GPT2: variants seen among roughly 807,000 people sequenced by gnomAD.
The protein encoded by GPT2 is glutamic--pyruvic transaminase 2.
A neutral mutation model predicts 56.9 loss-of-function variants in GPT2; 30 were observed. That is an observed-to-expected ratio of 0.53 (90% CI 0.39 to 0.72). The LOEUF is 0.72. GPT2 is among the 30% of genes least tolerant of loss of function. The pLI is 0.00. For missense variants in GPT2, 542 were observed against 703.4 expected (o/e 0.77, Z 2.60); for synonymous variants, 271 against 283.1 (o/e 0.96, Z 0.43).
chr16:46,904,948 G>A (rs910830591), intron 4 of GPT2, among the ~76,000 whole-genome samples: 5 of 152,026 alleles, frequency 3.3e-5, no homozygotes, highest in Admixed American at 2.0e-4. Context: ...ACAAGTTAAC[G>A]TTTGCCAGTT....
intron 9 of GPT2, among the ~76,000 whole-genome samples, chr16:46,922,629 G>A (rs1307751871): frequency 6.6e-6 from 1 of 152,214 alleles, no homozygotes; most frequent in African/African-American, 2.4e-5. Flanking sequence ...AGGACTGTGA[G>A]TGTGTGTGGG....
rs751302361 is a variant in GPT2 at position 46,924,207 on chromosome 16, A to C, written c.1213-182A>C. ...CACCCACTCCGTCTGTGTGGTGTGCATGGGGCATGTGACCCAGGCAGAGCA... is the reference window on the plus strand; with the variant it reads ...CACCCACTCCGTCTGTGTGGTGTGCCTGGGGCATGTGACCCAGGCAGAGCA... On this transcript the variant is annotated intron_variant, in intron 9 of 11. Coordinates refer to ENST00000340124, the MANE Select transcript of GPT2 (RefSeq NM_133443.4). The C allele has an allele frequency of 5.7e-6, 4 of 697,320 alleles. No individual in the cohort carries two copies. The Admixed American group carries it at 6.1e-5, about 11-fold the overall frequency. 43.2% of individuals were successfully genotyped at this position (697,320 alleles called of 1,614,324 possible).
intron 9 of GPT2, chr16:46,923,983 C>G: frequency 2.9e-6 from 1 of 343,760 alleles, no homozygotes; most frequent in Admixed American, 3.9e-5. Flanking sequence ...CTGGGCTCTA[C>G]CCTTTGGCCT....
rs1289952834 is a variant in GPT2 at position 46,910,071 on chromosome 16, TGCCACAG to T, written c.820+150_820+156del. ...TTTGCTAACCTAAAGCCATGAAATT[TGCCACAG>T]GCCACCTCAAGAGGTGAGTAGGCCA... is the stretch of plus-strand genomic sequence containing the variant. On this transcript the variant is annotated intron_variant, in intron 6 of 11. Coordinates refer to ENST00000340124, the MANE Select transcript of GPT2 (RefSeq NM_133443.4). 3.5e-6 allele frequency: 4 copies of T among 1,138,252 alleles called. No individual in the cohort carries two copies. In the East Asian group the frequency reaches 7.7e-5, roughly 22 times the overall value. 70.5% of individuals were successfully genotyped at this position (1,138,252 alleles called of 1,614,324 possible).
rs369827262 is a variant in GPT2, at chr16:46,917,790, A to G, written c.901-831A>G. On this transcript the variant is annotated intron_variant, in intron 7 of 11. Transcript: ENST00000340124. ...GACACACACACATACATACACACAC[A>G]GCTTACCCATCAAATTGTTGCCTTA... Among the ~76,000 whole-genome samples the G allele has an allele frequency of 4.9e-4, 74 of 152,216 alleles. 2 individuals carry two copies. The highest frequency in any genetic ancestry group is 1.8e-3 in the African/African-American group (74 of 41,532).
At chr16:46,913,408 G>C (rs1265025240) in intron 6 of GPT2, among the ~76,000 whole-genome samples, 23 of 152,212 alleles carry the variant, frequency 1.5e-4, no homozygotes, top group Admixed American at 1.5e-3. Flanking sequence ...GGCAGGTTCT[G>C]CTGTCCTCAG....
intron 8 of GPT2, among the ~76,000 whole-genome samples, chr16:46,919,618 G>A (rs1300141682): frequency 6.6e-6 from 1 of 152,226 alleles, no homozygotes; most frequent in Non-Finnish European, 1.5e-5. Context: ...CAGGAGTGGA[G>A]ACCTGAGAAT....
intron 1 of GPT2, 81 bp downstream of exon 1, chr16:46,884,548 G>C: frequency 1.2e-6 from 1 of 805,288 alleles, no homozygotes; most frequent in Non-Finnish European, 1.7e-6. Flanking sequence ...CGCCGTGGAG[G>C]GTCCGGGTCG....
At chr16:46,894,669 C>CTT (rs1252429847) in intron 2 of GPT2, among the ~76,000 whole-genome samples, 4 of 145,090 alleles carry the variant, frequency 2.8e-5, no homozygotes, top group Non-Finnish European at 6.1e-5. Context: ...CACTGGGAAT[C>CTT]TTTTTTTTTT....
chr16:46,922,903 C>G (rs1443618584), intron 9 of GPT2, among the ~76,000 whole-genome samples: 1 of 152,162 alleles, frequency 6.6e-6, no homozygotes, highest in East Asian at 1.9e-4. Flanking sequence ...CTGGTCCAGG[C>G]TCACTTCTTT....
At chr16:46,899,378 G>T (rs1431446884) in intron 3 of GPT2, among the ~76,000 whole-genome samples, 1 of 152,184 alleles carries the variant, frequency 6.6e-6, no homozygotes, top group Non-Finnish European at 1.5e-5. Flanking sequence ...GGCCATCAGG[G>T]AGGTTGAGCC....
Position 46,909,635 on chromosome 16 carries a change from A to T in GPT2, c.577-49A>T, listed in dbSNP as rs761425834. On this transcript the variant is annotated intron_variant, in intron 5 of 11. Transcript: ENST00000340124. The stretch of plus-strand genomic sequence containing the variant: ...GGGGCCACGGGTGAAAGGCTAGGTC[A>T]GGGATGGGAAGTAGTGCTGGCTTTC... 5 of 1,590,756 alleles carry T rather than the reference A, an allele frequency of 3.1e-6. No homozygotes were observed. The South Asian group carries it at 5.7e-5, about 18-fold the overall frequency.
At chr16:46,897,329 C>T (rs1212514770) in intron 2 of GPT2, among the ~76,000 whole-genome samples, 4 of 152,082 alleles carry the variant, frequency 2.6e-5, no homozygotes, top group Non-Finnish European at 5.9e-5. Flanking sequence ...GCTGAGATGG[C>T]ACTACTGTAC....
chr16:46,892,332 A>G (rs1365906205), intron 2 of GPT2, among the ~76,000 whole-genome samples: 1 of 152,154 alleles, frequency 6.6e-6, no homozygotes, highest in Non-Finnish European at 1.5e-5. Context: ...CCATTCATCT[A>G]CTGATGGACA....
At chr16:46,923,521 T>C (rs557508568) in intron 9 of GPT2, among the ~76,000 whole-genome samples, 7 of 152,362 alleles carry the variant, frequency 4.6e-5, no homozygotes, top group African/African-American at 1.2e-4. Context: ...TTCCTTATCA[T>C]GATGTCCTCC....
In GPT2 at chr16:46,884,708, A is replaced by G; in HGVS notation, c.-8A>G. 7.3e-7 allele frequency: 1 copy of G among 1,375,500 alleles called. No individual in the cohort carries two copies. The highest frequency in any genetic ancestry group is 1.5e-5 in the African/African-American group (1 of 66,512). 85.2% of individuals were successfully genotyped at this position (1,375,500 alleles called of 1,614,324 possible). A position where few individuals can be genotyped will look rare whatever the true frequency, so the allele number is the denominator to read the frequency against. ...TTTTGTGCCAGGGTTTCTCTCCGCAAGCGCGCGATGCAGCGGGCGGCGGCG... is the reference window on the plus strand; with the variant it reads ...TTTTGTGCCAGGGTTTCTCTCCGCAGGCGCGCGATGCAGCGGGCGGCGGCG... On this transcript the variant is annotated 5_prime_UTR_variant, in exon 2 of 12. Transcript: ENST00000340124.
intron 2 of GPT2, among the ~76,000 whole-genome samples, chr16:46,892,707 TTG>T (rs1238152209): frequency 6.6e-6 from 1 of 152,230 alleles, no homozygotes; most frequent in African/African-American, 2.4e-5. Flanking sequence ...TGTTGACGAT[TTG>T]TGTGTCTTTT....
At position 46,926,909 on chromosome 16, in the gene GPT2, C is replaced by G. The variant is rs894583862; in HGVS notation, c.1369-16C>G. 6.7e-7 allele frequency: 1 copy of G among 1,498,334 alleles called. No individual in the cohort carries two copies. The highest frequency in any genetic ancestry group is 1.4e-5 in the African/African-American group (1 of 71,172). 92.8% of individuals were successfully genotyped at this position (1,498,334 alleles called of 1,614,324 possible). A position where few individuals can be genotyped will look rare whatever the true frequency, so the allele number is the denominator to read the frequency against. On this transcript the variant is annotated splice_polypyrimidine_tract_variant and intron_variant, in intron 10 of 11. Coordinates refer to ENST00000340124, the MANE Select transcript of GPT2 (RefSeq NM_133443.4). The stretch of plus-strand genomic sequence containing the variant: ...GCAAAGCCAGGAATGATCATGAGCT[C>G]TGTCTGCTCCCATAGGCCCATCAAA...
intron 10 of GPT2, among the ~76,000 whole-genome samples, chr16:46,926,187 G>A (rs1293214827): frequency 2.0e-5 from 3 of 147,068 alleles, no homozygotes; most frequent in Non-Finnish European, 3.0e-5. Context: ...GGTGGCTCAC[G>A]CCTGTAATCC....
Sources: gnomAD v4.1 joint callset for allele counts (sites outside exome capture counted in the v4.1 genomes callset) on GRCh38, gnomAD v4.1.1 for gene constraint, MANE v1.5 for transcripts, NCBI Gene and HGNC (gene_info 2026-07-23, HGNC 2026-07-21) for gene names.